Variants in PIK3C3 observed in about 807,000 individuals in gnomAD.
PIK3C3 encodes PI3-kinase type 3.
Under a neutral mutation model 126.1 loss-of-function variants are expected in PIK3C3, and 95 were observed. The observed-to-expected ratio is 0.75, with a 90% CI of 0.64 to 0.89. PIK3C3 has a LOEUF of 0.89. Among genes scored for constraint, PIK3C3 ranks in the 40% least tolerant of loss-of-function variants. PIK3C3 has a pLI of 0.00. For missense variants in PIK3C3, 829 were observed against 1,063.2 expected (o/e 0.78, Z 3.06); for synonymous variants, 374 against 360.0 (o/e 1.04, Z -0.44).
At chr18:42,019,567 CT>C (rs1983230469) in intron 12 of PIK3C3, among the ~76,000 whole-genome samples, 1 of 152,064 alleles carries the variant, frequency 6.6e-6, no homozygotes, top group African/African-American at 2.4e-5. Flanking sequence ...CTTCATCTGT[CT>C]TGCCATTTCT....
At chr18:42,033,130 GC>G (rs1983903641) in intron 15 of PIK3C3, among the ~76,000 whole-genome samples, 2 of 152,092 alleles carry the variant, frequency 1.3e-5, no homozygotes, top group Non-Finnish European at 2.9e-5. Flanking sequence ...GACTCTCCCA[GC>G]TTTTAAAGGA....
At chr18:42,006,551 C>T (rs1982554728) in intron 10 of PIK3C3, among the ~76,000 whole-genome samples, 1 of 152,032 alleles carries the variant, frequency 6.6e-6, no homozygotes, top group Non-Finnish European at 1.5e-5. Flanking sequence ...AGGGGCTTTC[C>T]AAAAGTTACC....
At chr18:42,036,618 A>G (rs959747074) in intron 16 of PIK3C3, among the ~76,000 whole-genome samples, 6 of 151,830 alleles carry the variant, frequency 4.0e-5, no homozygotes, top group African/African-American at 1.5e-4. Context: ...CCTTTCTAAA[A>G]AGAATATAAT....
intron 18 of PIK3C3, among the ~76,000 whole-genome samples, chr18:42,039,955 G>A (rs1461956184): frequency 6.6e-6 from 1 of 151,898 alleles, no homozygotes; most frequent in Non-Finnish European, 1.5e-5. Context: ...ATTCTACAGG[G>A]GTATATAATC....
chr18:42,054,946 T>TAA (rs891357212), intron 21 of PIK3C3, among the ~76,000 whole-genome samples: 5 of 152,122 alleles, frequency 3.3e-5, no homozygotes, highest in African/African-American at 1.2e-4. Context: ...TTTTTAAACT[T>TAA]ATGTAGTTCT....
rs752104656 is a variant in PIK3C3 at position 42,038,787 on chromosome 18, C to G, written c.1975C>G (p.Arg659Gly). 1 of 1,599,208 alleles carries G rather than the reference C, an allele frequency of 6.3e-7. No individual in the cohort carries two copies. Among genetic ancestry groups the G allele is most frequent in the African/African-American group, 1.3e-5 (1 of 74,522 alleles). ...TTTACCTTTTGATTAAAAGCTGTTA[C>G]GGAAAGAAAATCTGGACTTGAAATT... ...QIISLMDKLL[R>G]KENLDLKLTP... The change falls in exon 18 of 25, where the codon CGG (arginine) becomes GGG (glycine). Residue 659 changes from arginine (R) to glycine (G), a missense_variant. Physicochemically the swap from Arg to Gly is moderately radical, Grantham distance 125. Around this residue, in one of 4 missense-constraint regions of PIK3C3, gnomAD observed 196 missense variants for 312.8 expected, o/e 0.63. Coordinates refer to ENST00000262039, the MANE Select transcript of PIK3C3 (RefSeq NM_002647.4).
chr18:42,069,894 T>A (rs1007662634), intron 24 of PIK3C3, among the ~76,000 whole-genome samples: 1 of 152,214 alleles, frequency 6.6e-6, no homozygotes, highest in Non-Finnish European at 1.5e-5. Flanking sequence ...GAAAAAGCAA[T>A]AATGATTTGT....
At chr18:42,033,784 T>A (rs1416947735) in intron 15 of PIK3C3, 42 bp from the exon 16 acceptor site, 2 of 1,444,364 alleles carry the variant, frequency 1.4e-6, no homozygotes, top group Non-Finnish European at 1.9e-6. Flanking sequence ...TATAAACTAC[T>A]CTTCTATTTT....
rs573724337 is a variant in PIK3C3 at position 42,086,217 on chromosome 18, A to G, written c.*5080A>G. ...CTTGTGACTGTCAGGACTAATCCTT[A>G]TATCATTTATCTTATGTCCTTTACC... On this transcript the variant is annotated 3_prime_UTR_variant, in exon 25 of 25. Transcript: ENST00000262039. 2.4e-4 allele frequency: 36 copies of G among 152,286 alleles called. No individual in the cohort carries two copies. Among genetic ancestry groups the G allele is most frequent in the African/African-American group, 8.7e-4 (36 of 41,546 alleles). 9.4% of individuals were successfully genotyped at this position (152,286 alleles called of 1,614,324 possible).
intron 24 of PIK3C3, among the ~76,000 whole-genome samples, chr18:42,071,050 T>G (rs7241401): frequency 6.6e-6 from 1 of 152,112 alleles, no homozygotes; most frequent in African/African-American, 2.4e-5. Flanking sequence ...AACATTACTT[T>G]AGCCTTGGTT....
intron 9 of PIK3C3, among the ~76,000 whole-genome samples, chr18:42,003,302 A>C (rs913765822): frequency 6.6e-6 from 1 of 152,206 alleles, no homozygotes; most frequent in African/African-American, 2.4e-5. Flanking sequence ...TAACATTTTC[A>C]AGTTACCTAT....
chr18:42,010,824 A>G (rs889617049), intron 10 of PIK3C3, among the ~76,000 whole-genome samples: 1 of 152,222 alleles, frequency 6.6e-6, no homozygotes, highest in East Asian at 1.9e-4. Flanking sequence ...CCATTACAGG[A>G]ATCACTGTCT....
At position 41,977,122 on chromosome 18, in the gene PIK3C3, G is replaced by A. The variant is rs574802773; in HGVS notation, c.531+6666G>A. Among the ~76,000 whole-genome samples the A allele has an allele frequency of 1.1e-4, 16 of 152,260 alleles. No homozygotes were observed. In the South Asian group the frequency reaches 2.7e-3, roughly 26 times the overall value. ...AAGTATGGCATAAAAGATGATGCCC[G>A]TTAAGTCAGTAAACAGTGACCTGCC... On this transcript the variant is annotated intron_variant, in intron 4 of 24. Transcript: ENST00000262039.
intron 4 of PIK3C3, among the ~76,000 whole-genome samples, chr18:41,973,436 TTTAG>T (rs1187385172): frequency 6.6e-6 from 1 of 152,100 alleles, no homozygotes; most frequent in Non-Finnish European, 1.5e-5. Flanking sequence ...TCTCTTACTC[TTTAG>T]TTAATTAATT....
At position 42,085,479 on chromosome 18, in the gene PIK3C3, G is replaced by C. The variant is rs12457082; in HGVS notation, c.*4342G>C. The C allele has an allele frequency of 3.9e-5, 6 of 152,094 alleles. No individual in the cohort carries two copies. The highest frequency in any genetic ancestry group is 1.4e-4 in the African/African-American group (6 of 41,506). The allele number at this position is 152,094 out of a possible 1,614,324, so 9.4% of individuals were successfully genotyped here. A position where few individuals can be genotyped will look rare whatever the true frequency, so the allele number is the denominator to read the frequency against. Reference sequence around the variant, plus strand: ...AATTTTGAGACTAGTATTTCATACAGAAAAAGCTAATACTGATATCACACA... The same window carrying C: ...AATTTTGAGACTAGTATTTCATACACAAAAAGCTAATACTGATATCACACA... On this transcript the variant is annotated 3_prime_UTR_variant, in exon 25 of 25. Coordinates refer to ENST00000262039, the MANE Select transcript of PIK3C3 (RefSeq NM_002647.4).
At chr18:41,994,151 G>C (rs956205112) in intron 7 of PIK3C3, among the ~76,000 whole-genome samples, 1 of 152,136 alleles carries the variant, frequency 6.6e-6, no homozygotes, top group Non-Finnish European at 1.5e-5. Context: ...ATGAAAGCAG[G>C]AACGGCTGAT....
intron 2 of PIK3C3, among the ~76,000 whole-genome samples, chr18:41,958,478 A>G (rs1236597820): frequency 6.6e-6 from 1 of 152,204 alleles, no homozygotes; most frequent in Non-Finnish European, 1.5e-5. Flanking sequence ...GACCACATGG[A>G]CAGCCAGACT....
rs144196046 is a variant in PIK3C3, at chr18:41,992,793, A to G, written c.715-477A>G. On this transcript the variant is annotated intron_variant, in intron 6 of 24. Transcript: ENST00000262039. ...TGTAAATTTGAGTAATATTAACCCTACACTTAAAATTCTGCTTCTTTGAAT... is the reference window on the plus strand; with the variant it reads ...TGTAAATTTGAGTAATATTAACCCTGCACTTAAAATTCTGCTTCTTTGAAT... 2.3e-3 allele frequency among the ~76,000 whole-genome samples: 344 copies of G among 152,236 alleles called. 8 individuals carry two copies. In the East Asian group the frequency reaches 0.044, roughly 20 times the overall value.
chr18:42,029,329 A>G lies in PIK3C3; in HGVS notation c.1595A>G (p.Asp532Gly), dbSNP rs1188843979. 6.2e-7 allele frequency: 1 copy of G among 1,610,562 alleles called. No individual in the cohort carries two copies. The highest frequency in any genetic ancestry group is 8.5e-7 in the Non-Finnish European group (1 of 1,176,796). Reference protein sequence around the residue: ...RRFSQALLKGDKSVRVMRSLL... With the variant: ...RRFSQALLKGGKSVRVMRSLL... ...TTCTCACTTTGAACCCTTCAGGGTG[A>G]TAAGTCTGTCAGAGTTATGCGTTCT... Residue 532 changes from aspartate to glycine, a missense_variant, in exon 15 of 25, where the codon GAT becomes GGT. Physicochemically the swap from Asp to Gly is moderately conservative, Grantham distance 94. Transcript: ENST00000262039.
Sources: allele counts gnomAD v4.1 joint callset (sites outside exome capture counted in the v4.1 genomes callset), GRCh38; gene constraint gnomAD v4.1.1; regional missense constraint gnomAD v4.1.1; transcripts MANE v1.5; gene names NCBI Gene and HGNC (gene_info 2026-07-23, HGNC 2026-07-21).